Variants in UNC5D observed in about 807,000 individuals in gnomAD.
UNC5D encodes the protein unc-5 netrin receptor D.
Under a neutral mutation model 105.4 loss-of-function variants are expected in UNC5D, and 39 were observed. That is an observed-to-expected ratio of 0.37 (90% confidence interval 0.29 to 0.48). The LOEUF is 0.48. Among genes scored for constraint, UNC5D ranks in the 20% least tolerant of loss-of-function variants. The probability of loss-of-function intolerance (pLI) is 0.98; values close to 1 mark genes in which losing one functional copy is unlikely to be tolerated. For synonymous variants in UNC5D, 452 were observed against 450.4 expected, an observed-to-expected ratio of 1.00 and a Z score of -0.04; for missense variants, 991 against 1,202.4, an observed-to-expected ratio of 0.82 and a Z score of 2.60.
chr8:35,267,102 A>G (rs1441694592), intron 1 of UNC5D, among the ~76,000 whole-genome samples: 4 of 110,328 alleles, frequency 3.6e-5, no homozygotes, highest in Non-Finnish European at 7.6e-5. Context: ...TTTTTTTTTG[A>G]TGAGCCGTTA....
At chr8:35,494,127 C>A (rs984704236) in intron 1 of UNC5D, among the ~76,000 whole-genome samples, 6 of 152,076 alleles carry the variant, frequency 3.9e-5, no homozygotes, top group African/African-American at 1.2e-4. Context: ...TGCACTTCAG[C>A]TGTCTCTTTC....
intron 1 of UNC5D, among the ~76,000 whole-genome samples, chr8:35,396,678 A>C (rs1312202776): frequency 6.6e-6 from 1 of 151,948 alleles, no homozygotes; most frequent in African/African-American, 2.4e-5. Flanking sequence ...TTGTGTTTTC[A>C]GTAGAGACGG....
At chr8:35,400,612 A>G (rs1804398133) in intron 1 of UNC5D, among the ~76,000 whole-genome samples, 1 of 152,198 alleles carries the variant, frequency 6.6e-6, no homozygotes, top group Non-Finnish European at 1.5e-5. Context: ...TCATTAGGGT[A>G]ACAAATATAC....
At chr8:35,397,193 A>C (rs1449597280) in intron 1 of UNC5D, among the ~76,000 whole-genome samples, 1 of 152,212 alleles carries the variant, frequency 6.6e-6, no homozygotes, top group Non-Finnish European at 1.5e-5. Flanking sequence ...GGTGTGAGCC[A>C]CCACGCCCAG....
At chr8:35,555,428 A>G (rs553833272) in intron 2 of UNC5D, among the ~76,000 whole-genome samples, 1 of 152,194 alleles carries the variant, frequency 6.6e-6, no homozygotes, top group African/African-American at 2.4e-5. Flanking sequence ...TAATCACTTT[A>G]TATAATTTAA....
chr8:35,790,882 A>G lies in UNC5D; in HGVS notation c.*319A>G. 1 of 371,808 alleles carries G rather than the reference A, an allele frequency of 2.7e-6. No individual in the cohort carries two copies. Among genetic ancestry groups the G allele is most frequent in the Non-Finnish European group, 5.0e-6 (1 of 201,440 alleles). The allele number at this position is 371,808 out of a possible 1,614,324, so 23.0% of individuals were successfully genotyped here. A position where few individuals can be genotyped will look rare whatever the true frequency, so the allele number is the denominator to read the frequency against. ...AAAGATGAGCTATGATAATGCTGGG[A>G]AGGCAGAGATTGATTAAGTGCATGC... On this transcript the variant is annotated 3_prime_UTR_variant, in exon 17 of 17. Coordinates refer to ENST00000404895, the MANE Select transcript of UNC5D (RefSeq NM_080872.4).
At chr8:35,378,897 T>G (rs1802860930) in intron 1 of UNC5D, among the ~76,000 whole-genome samples, 1 of 152,170 alleles carries the variant, frequency 6.6e-6, no homozygotes. Flanking sequence ...GCCTTCTCAC[T>G]GTGTTTCATC....
chr8:35,599,388 A>G (rs746228131), intron 4 of UNC5D, among the ~76,000 whole-genome samples: 6 of 152,160 alleles, frequency 3.9e-5, no homozygotes, highest in Non-Finnish European at 7.3e-5. Flanking sequence ...AAAAAGAACA[A>G]TAAGTTTGTG....
chr8:35,290,478 G>C (rs1442201514), intron 1 of UNC5D, among the ~76,000 whole-genome samples: 1 of 152,024 alleles, frequency 6.6e-6, no homozygotes, highest in Non-Finnish European at 1.5e-5. Flanking sequence ...CTGGGGTAAG[G>C]GTAGGGGGTT....
rs570811249 is a variant in UNC5D at position 35,567,963 on chromosome 8, CA to C, written c.323-132del. The stretch of plus-strand genomic sequence containing the variant: ...TTAATTAGCAGTAATATATTATTGT[CA>C]AAGTAATTAAAACCTTGCCTTGATT... On this transcript the variant is annotated intron_variant, in intron 2 of 16. Transcript: ENST00000404895. 8.2e-6 allele frequency: 11 copies of C among 1,344,792 alleles called. No homozygotes were observed. The African/African-American group carries it at 1.6e-4, about 20-fold the overall frequency. 83.3% of individuals were successfully genotyped at this position (1,344,792 alleles called of 1,614,324 possible).
Position 35,595,549 on chromosome 8 carries a change from T to C in UNC5D, c.467-5T>C, listed in dbSNP as rs758345314. ...AAGTGTCACCTATCTCATGCTTCTTTGCAGATTTACGGAAAAACTTTGAAC... is the reference window on the plus strand; with the variant it reads ...AAGTGTCACCTATCTCATGCTTCTTCGCAGATTTACGGAAAAACTTTGAAC... On this transcript the variant is annotated splice_polypyrimidine_tract_variant and splice_region_variant and intron_variant, in intron 3 of 16. Transcript: ENST00000404895. 1.9e-6 allele frequency: 3 copies of C among 1,613,742 alleles called. No individual in the cohort carries two copies. The highest frequency in any genetic ancestry group is 2.7e-5 in the African/African-American group (2 of 74,890).
chr8:35,490,042 C>A (rs995240326), intron 1 of UNC5D, among the ~76,000 whole-genome samples: 2 of 152,096 alleles, frequency 1.3e-5, no homozygotes, highest in Non-Finnish European at 2.9e-5. Flanking sequence ...TAAACATAAT[C>A]CAGAGGAAAG....
chr8:35,594,469 G>A (rs1819367386), intron 3 of UNC5D, among the ~76,000 whole-genome samples: 1 of 152,152 alleles, frequency 6.6e-6, no homozygotes, highest in African/African-American at 2.4e-5. Context: ...TGTAATTTGA[G>A]ATACTCAATT....
intron 2 of UNC5D, among the ~76,000 whole-genome samples, chr8:35,559,880 G>A (rs545681513): frequency 7.7e-4 from 117 of 152,272 alleles, no homozygotes; most frequent in African/African-American, 2.8e-3. Flanking sequence ...TAAATAAGGG[G>A]ATTATAGCAA....
intron 1 of UNC5D, among the ~76,000 whole-genome samples, chr8:35,458,856 C>T (rs565526357): frequency 9.9e-5 from 15 of 152,274 alleles, no homozygotes; most frequent in South Asian, 6.2e-4. Context: ...TCTTCGAAGA[C>T]GTCTTGAAAT....
At chr8:35,329,146 A>T (rs1276122608) in intron 1 of UNC5D, among the ~76,000 whole-genome samples, 1 of 152,122 alleles carries the variant, frequency 6.6e-6, no homozygotes, top group African/African-American at 2.4e-5. Flanking sequence ...AATAGATGTT[A>T]TTACTTCTCT....
intron 1 of UNC5D, among the ~76,000 whole-genome samples, chr8:35,247,603 TAA>T (rs1325239337): frequency 7.2e-5 from 7 of 97,256 alleles, no homozygotes; most frequent in African/African-American, 2.9e-4. Flanking sequence ...ATATAATATA[TAA>T]ATATATATTA....
At chr8:35,564,356 T>C (rs932505527) in intron 2 of UNC5D, among the ~76,000 whole-genome samples, 1 of 152,140 alleles carries the variant, frequency 6.6e-6, no homozygotes, top group Non-Finnish European at 1.5e-5. Context: ...CTTTAATAGG[T>C]CTCCCTGTTC....
At chr8:35,612,917 CT>C (rs573803232) in intron 4 of UNC5D, among the ~76,000 whole-genome samples, 112 of 152,074 alleles carry the variant, frequency 7.4e-4, no homozygotes, top group African/African-American at 2.7e-3. Context: ...TTCTAATCTT[CT>C]TTGCAGTTAG....
Sources: allele counts gnomAD v4.1 joint callset (sites outside exome capture counted in the v4.1 genomes callset), GRCh38; gene constraint gnomAD v4.1.1; transcripts MANE v1.5; gene names NCBI Gene and HGNC (gene_info 2026-07-23, HGNC 2026-07-21).